METTL9: variants seen among roughly 807,000 people sequenced by gnomAD.
METTL9 encodes methyltransferase 9, His-X-His N1(pi)-histidine, also known as protein-L-histidine N-pros-methyltransferase.
METTL9 carries 10 observed loss-of-function variants against 36.0 expected under a neutral mutation model. The ratio of observed to expected loss-of-function variants is 0.28; its 90% CI spans 0.17 to 0.47. METTL9 has a LOEUF of 0.47. Among genes scored for constraint, METTL9 ranks in the 20% least tolerant of loss-of-function variants. METTL9 has a pLI of 0.99. For missense variants in METTL9, 246 were observed against 383.5 expected, an observed-to-expected ratio of 0.64 and a Z score of 3.00; for synonymous variants, 175 against 149.7, an observed-to-expected ratio of 1.17 and a Z score of -1.23.
upstream of METTL9, chr16:21,599,484 G>T (rs138511654): frequency 3.2e-4 from 387 of 1,195,656 alleles, 3 homozygotes; most frequent in African/African-American, 5.4e-3. This position sits in a 1 kb window ranked among gnomAD's most constrained non-coding sequence, Gnocchi z 4.4. Flanking sequence ...GCGGCCGCTC[G>T]TAAGTGCTCC....
upstream of METTL9, chr16:21,597,862 AC>A (rs1198671322): frequency 6.5e-6 from 1 of 152,728 alleles, no homozygotes; most frequent in Non-Finnish European, 1.5e-5. Flanking sequence ...AGAGGTTTGA[AC>A]TAGATTTAGT....
chr16:21,641,555 A>C, intron 4 of METTL9: 1 of 1,591,356 alleles, frequency 6.3e-7, no homozygotes, highest in South Asian at 1.1e-5. Context: ...CATAGTTGGA[A>C]AGTACTCTTC....
In METTL9 at chr16:21,618,080, AT is replaced by A. The variant is rs1965598640; in HGVS notation, c.566+10del. 1.3e-6 allele frequency: 2 copies of A among 1,538,802 alleles called. No homozygotes were observed. The highest frequency in any genetic ancestry group is 1.4e-5 in the African/African-American group (1 of 71,830). On this transcript the variant is annotated splice_region_variant and intron_variant, in intron 3 of 4. Transcript: ENST00000358154. Reference sequence around the variant, plus strand: ...CTTCAGAAAAAGAAATACAGGTATAATTTTCTTGGTTTTAGATGCATTTCTT... The same window carrying A: ...CTTCAGAAAAAGAAATACAGGTATAATTTCTTGGTTTTAGATGCATTTCTT...
intron 4 of METTL9, among the ~76,000 whole-genome samples, chr16:21,632,770 C>T (rs1286202079): frequency 6.6e-6 from 1 of 152,140 alleles, no homozygotes; most frequent in East Asian, 1.9e-4. Context: ...GCCACCGCCG[C>T]AACTACCCGT....
At chr16:21,636,471 A>G (rs1966095277) in intron 4 of METTL9, among the ~76,000 whole-genome samples, 1 of 152,186 alleles carries the variant, frequency 6.6e-6, no homozygotes, top group African/African-American at 2.4e-5. Flanking sequence ...AGAGACTCCA[A>G]GAGGTGAGAG....
intron 1 of METTL9, among the ~76,000 whole-genome samples, chr16:21,610,567 C>T (rs1175938186): frequency 6.6e-6 from 1 of 152,184 alleles, no homozygotes; most frequent in African/African-American, 2.4e-5. Flanking sequence ...CAGTTTCTTT[C>T]CAGAAAGACC....
intron 1 of METTL9, 107 bp downstream of exon 1, chr16:21,600,005 G>A: frequency 1.0e-6 from 1 of 976,230 alleles, no homozygotes; most frequent in Non-Finnish European, 1.3e-6. Context: ...CCCGGCCCTC[G>A]CCCCTCCGCC....
At chr16:21,631,386 T>G (rs112024656) in intron 4 of METTL9, among the ~76,000 whole-genome samples, 3,075 of 152,310 alleles carry the variant, frequency 0.02, 113 homozygotes, top group African/African-American at 0.071. Flanking sequence ...TATTCTTTGC[T>G]ATTAATAAGA....
intron 2 of METTL9, among the ~76,000 whole-genome samples, chr16:21,613,218 C>G (rs935205069): frequency 8.5e-6 from 1 of 117,958 alleles, no homozygotes; most frequent in Non-Finnish European, 1.6e-5. Flanking sequence ...GACAGTCCTG[C>G]TCTGTTTCCC....
At chr16:21,649,503 C>T (rs1422386618) in intron 4 of METTL9, among the ~76,000 whole-genome samples, 4 of 152,084 alleles carry the variant, frequency 2.6e-5, no homozygotes, top group Admixed American at 2.0e-4. Context: ...AGAAATACAA[C>T]CTCATGTCTC....
chr16:21,639,502 T>C (rs1461294050), intron 4 of METTL9: 1 of 152,254 alleles, frequency 6.6e-6, no homozygotes, highest in Non-Finnish European at 1.5e-5. Flanking sequence ...TTACCTGAGC[T>C]AGTGGTCTCA....
intron 4 of METTL9, among the ~76,000 whole-genome samples, chr16:21,634,955 G>A (rs577911027): frequency 6.6e-6 from 1 of 152,272 alleles, no homozygotes; most frequent in African/African-American, 2.4e-5. Flanking sequence ...GGTCCCAGTG[G>A]GGATCTGTAC....
At chr16:21,629,379 G>C (rs910405453) in intron 4 of METTL9, among the ~76,000 whole-genome samples, 2 of 152,126 alleles carry the variant, frequency 1.3e-5, no homozygotes, top group South Asian at 2.1e-4. Context: ...TCTACCTTCT[G>C]CCATGCAAGG....
intron 4 of METTL9, among the ~76,000 whole-genome samples, chr16:21,630,235 G>C (rs930306185): frequency 5.9e-5 from 9 of 152,334 alleles, no homozygotes; most frequent in Middle Eastern, 3.4e-3. Flanking sequence ...CTTGTCCCCC[G>C]ATCAAGCCCA....
At chr16:21,622,101 C>G (rs1965712681) in intron 3 of METTL9, among the ~76,000 whole-genome samples, 1 of 137,472 alleles carries the variant, frequency 7.3e-6, no homozygotes, top group South Asian at 2.4e-4. Flanking sequence ...TTTGGCCTCC[C>G]AAAGTGCTAG....
At chr16:21,647,137 T>C (rs751033130) in intron 4 of METTL9, 7 of 1,614,202 alleles carry the variant, frequency 4.3e-6, no homozygotes, top group Non-Finnish European at 5.9e-6. Flanking sequence ...ACTGACCTCT[T>C]ACCACCAGTG....
intron 4 of METTL9, among the ~76,000 whole-genome samples, chr16:21,628,388 C>T (rs928804174): frequency 5.9e-5 from 9 of 152,160 alleles, no homozygotes; most frequent in African/African-American, 2.2e-4. Flanking sequence ...ACCAGCACAC[C>T]ACTAGATGTA....
intron 2 of METTL9, among the ~76,000 whole-genome samples, chr16:21,615,919 G>A (rs1014526141): frequency 2.0e-5 from 3 of 152,160 alleles, no homozygotes; most frequent in Non-Finnish European, 4.4e-5. Flanking sequence ...GTAAGCAGTT[G>A]TAGTCGGTAG....
chr16:21,630,228 G>C (rs1235857101), intron 4 of METTL9, among the ~76,000 whole-genome samples: 1 of 152,230 alleles, frequency 6.6e-6, no homozygotes, highest in Non-Finnish European at 1.5e-5. Flanking sequence ...GTGGGAGCTT[G>C]TCCCCCGATC....
Sources: allele counts gnomAD v4.1 joint callset (sites outside exome capture counted in the v4.1 genomes callset), GRCh38; gene constraint gnomAD v4.1.1; non-coding constraint Gnocchi (gnomAD v3.1); transcripts MANE v1.5; gene names NCBI Gene and HGNC (gene_info 2026-07-23, HGNC 2026-07-21).